NELL1: variants seen among roughly 807,000 people sequenced by gnomAD.
The protein encoded by NELL1 is protein kinase C-binding protein NELL1.
A neutral mutation model predicts 107.4 loss-of-function variants in NELL1; 76 were observed. The observed-to-expected ratio is 0.71, with a 90% CI of 0.59 to 0.86. The LOEUF (loss-of-function observed/expected upper bound fraction) is 0.86. NELL1 is among the 40% of genes least tolerant of loss of function. The pLI, the probability that NELL1 is intolerant of heterozygous loss-of-function variation, is 0.00. For synonymous variants in NELL1, 353 were observed against 341.2 expected (o/e 1.03, Z -0.38); for missense variants, 1,024 against 1,005.5 (o/e 1.02, Z -0.25).
chr11:21,318,456 C>T (rs1209405043), intron 14 of NELL1, among the ~76,000 whole-genome samples: 1 of 152,138 alleles, frequency 6.6e-6, no homozygotes, highest in African/African-American at 2.4e-5. Context: ...AAAGTTGCTA[C>T]CTTTGTAACT....
intron 14 of NELL1, among the ~76,000 whole-genome samples, chr11:21,278,875 A>C (rs982284732): frequency 6.6e-6 from 1 of 152,196 alleles, no homozygotes; most frequent in Non-Finnish European, 1.5e-5. Flanking sequence ...CCAGATGTGA[A>C]GACTTACTAT....
At chr11:20,795,739 G>A (rs79505577) in intron 3 of NELL1, among the ~76,000 whole-genome samples, 5,127 of 152,144 alleles carry the variant, frequency 0.034, 287 homozygotes, top group African/African-American at 0.12. Context: ...CCTTTTCTGA[G>A]GAGATGAAGA....
chr11:20,709,071 T>A (rs115432908), intron 2 of NELL1, among the ~76,000 whole-genome samples: 1,549 of 152,270 alleles, frequency 0.01, 25 homozygotes, highest in African/African-American at 0.036. Context: ...GCTTCTTTAC[T>A]GCTCACCTGC....
At chr11:21,169,460 T>C (rs1461915829) in intron 13 of NELL1, among the ~76,000 whole-genome samples, 1 of 151,898 alleles carries the variant, frequency 6.6e-6, no homozygotes, top group Non-Finnish European at 1.5e-5. Flanking sequence ...GTAATACCTA[T>C]GCAGAACTCC....
At chr11:21,240,774 G>A (rs7117671) in intron 14 of NELL1, among the ~76,000 whole-genome samples, 10 of 137,260 alleles carry the variant, frequency 7.3e-5, no homozygotes, top group Non-Finnish European at 3.1e-5. Flanking sequence ...AGTGGGGGGG[G>A]GGAGGGGGGA....
rs139006367 is a variant in NELL1 at position 20,898,270 on chromosome 11, G to A, written c.603+12730G>A. Among the ~76,000 whole-genome samples the A allele has an allele frequency of 4.3e-3, 662 of 152,202 alleles. 3 individuals are homozygous for A. Among genetic ancestry groups the A allele is most frequent in the African/African-American group, 0.015 (631 of 41,518 alleles). On this transcript the variant is annotated intron_variant, in intron 5 of 19. Coordinates refer to ENST00000357134, the MANE Select transcript of NELL1 (RefSeq NM_006157.5). ...AAAGGATGAGTTCATGTCCTTTGTA[G>A]GGACATGGATGAAGCTGGAAACCAT... is the stretch of plus-strand genomic sequence containing the variant.
chr11:21,534,623 T>G, intron 16 of NELL1, 109 bp downstream of exon 16: 2 of 1,173,128 alleles, frequency 1.7e-6, no homozygotes, highest in African/African-American at 3.0e-5. Context: ...CATTCATTGG[T>G]TAAATGCATC....
At chr11:21,038,401 T>G (rs1853147408) in intron 12 of NELL1, among the ~76,000 whole-genome samples, 1 of 152,188 alleles carries the variant, frequency 6.6e-6, no homozygotes, top group Non-Finnish European at 1.5e-5. Flanking sequence ...CATTTAAAAA[T>G]GCATATGTAA....
chr11:21,207,617 A>T (rs899860068), intron 13 of NELL1, among the ~76,000 whole-genome samples: 8 of 152,172 alleles, frequency 5.3e-5, no homozygotes, highest in Non-Finnish European at 1.2e-4. Flanking sequence ...GTTTCTTCCT[A>T]TGAACACTCA....
intron 4 of NELL1, among the ~76,000 whole-genome samples, 156 bp downstream of exon 4, chr11:20,847,909 G>A (rs1848728990): frequency 6.6e-6 from 1 of 152,206 alleles, no homozygotes; most frequent in Non-Finnish European, 1.5e-5. Context: ...TAGGCATGCT[G>A]AAATGACCAA....
rs1263084494 is a variant in NELL1, at chr11:20,913,857, TG to T, written c.604-4319del. ...AATAAGATTACGGGGGGCGGGGGGA[TG>T]GGGGGAAGAATATTAGGCTACCTAA... On this transcript the variant is annotated intron_variant, in intron 5 of 19. Transcript: ENST00000357134. 2.5e-5 allele frequency among the ~76,000 whole-genome samples: 3 copies of T among 120,712 alleles called. No individual in the cohort carries two copies. The East Asian group carries it at 8.9e-4, about 36-fold the overall frequency. The allele number at this position is 120,712 out of a possible 152,430, so 79.2% of individuals were successfully genotyped here.
chr11:20,739,483 T>C (rs61204327), intron 2 of NELL1, among the ~76,000 whole-genome samples: 5,360 of 152,294 alleles, frequency 0.035, 303 homozygotes, highest in African/African-American at 0.12. Flanking sequence ...CAGACAATAA[T>C]CCAGCCGCTG....
intron 2 of NELL1, among the ~76,000 whole-genome samples, chr11:20,758,945 G>A (rs1856358186): frequency 6.6e-6 from 1 of 152,166 alleles, no homozygotes. Context: ...AGTACCTAAG[G>A]TTGGGAGAAT....
intron 15 of NELL1, among the ~76,000 whole-genome samples, chr11:21,525,349 A>C (rs1414823240): frequency 6.6e-6 from 1 of 152,238 alleles, no homozygotes; most frequent in African/African-American, 2.4e-5. Flanking sequence ...TAATGACATC[A>C]CCAGATATTT....
chr11:21,059,794 GC>G, intron 12 of NELL1, among the ~76,000 whole-genome samples: 1 of 152,002 alleles, frequency 6.6e-6, no homozygotes, highest in East Asian at 1.9e-4. Context: ...AGTAGAATAG[GC>G]TTTTGCTGAG....
intron 2 of NELL1, among the ~76,000 whole-genome samples, chr11:20,700,125 A>AAAAAAAAC (rs754141870): frequency 0.037 from 3,978 of 108,008 alleles, 75 homozygotes; most frequent in Non-Finnish European, 0.057. Flanking sequence ...CTGTTTTTAG[A>AAAAAAAAC]AAAAACAAAA....
intron 14 of NELL1, among the ~76,000 whole-genome samples, chr11:21,365,819 AG>A (rs966254133): frequency 6.6e-6 from 1 of 151,098 alleles, no homozygotes; most frequent in Non-Finnish European, 1.5e-5. Flanking sequence ...GGAGAGGTTG[AG>A]GGGGGAGGAA....
Position 20,847,574 on chromosome 11 carries a change from T to C in NELL1, c.336-9T>C. On this transcript the variant is annotated splice_polypyrimidine_tract_variant and intron_variant, in intron 3 of 19. Transcript: ENST00000357134. ...AAAATAAAACAAATGTTTGTTCCTT[T>C]ACATACAGCTATTTTGAACTGGAGA... The C allele has an allele frequency of 6.2e-7, 1 of 1,610,980 alleles. No individual in the cohort carries two copies. Among genetic ancestry groups the C allele is most frequent in the Non-Finnish European group, 8.5e-7 (1 of 1,178,342 alleles).
In NELL1 at chr11:21,130,685, A is replaced by G. The variant is rs1183947956; in HGVS notation, c.1426+16971A>G. 2.6e-5 allele frequency among the ~76,000 whole-genome samples: 4 copies of G among 152,244 alleles called. No homozygotes were observed. In the East Asian group the frequency reaches 7.7e-4, roughly 29 times the overall value. On this transcript the variant is annotated intron_variant, in intron 13 of 19. Coordinates refer to ENST00000357134, the MANE Select transcript of NELL1 (RefSeq NM_006157.5). ...ATAATTCAGATAAGAAAAGAATATT[A>G]GAGCCATGACCTTTTGGAGGACAAA...
Sources: gnomAD v4.1 joint callset for allele counts (sites outside exome capture counted in the v4.1 genomes callset) on GRCh38, gnomAD v4.1.1 for gene constraint, MANE v1.5 for transcripts, NCBI Gene and HGNC (gene_info 2026-07-23, HGNC 2026-07-21) for gene names.